Variants in TIAM1 observed in about 807,000 individuals in gnomAD.
TIAM1 encodes TIAM Rac1 associated GEF 1, also known as rho guanine nucleotide exchange factor TIAM1.
In TIAM1, 65 loss-of-function variants were observed where a neutral mutation model predicts 163.5. The ratio of observed to expected loss-of-function variants is 0.40; its 90% CI spans 0.33 to 0.49. The LOEUF (loss-of-function observed/expected upper bound fraction) is 0.49. TIAM1 is among the 20% of genes least tolerant of loss of function. The pLI, the probability that TIAM1 is intolerant of heterozygous loss-of-function variation, is 0.77. For missense variants in TIAM1, 1,789 were observed against 2,044.7 expected (o/e 0.87, Z 2.41); for synonymous variants, 833 against 810.1 (o/e 1.03, Z -0.48).
chr21:31,250,393 C>T (rs544887199), intron 5 of TIAM1, among the ~76,000 whole-genome samples: 1 of 152,304 alleles, frequency 6.6e-6, no homozygotes, highest in South Asian at 2.1e-4. Flanking sequence ...ACCCTCCCTT[C>T]CTGTGTCATC....
intron 2 of TIAM1, among the ~76,000 whole-genome samples, chr21:31,370,583 TG>T (rs1351006202): frequency 2.0e-5 from 3 of 152,048 alleles, no homozygotes; most frequent in Non-Finnish European, 2.9e-5. Flanking sequence ...AGAGTTTCTG[TG>T]GGGGTTTATA....
chr21:31,545,704 T>C (rs2048464179), intron 1 of TIAM1, among the ~76,000 whole-genome samples: 1 of 152,206 alleles, frequency 6.6e-6, no homozygotes, highest in South Asian at 2.1e-4. Flanking sequence ...TTAATAGCGC[T>C]AATCCTTCCA....
At chr21:31,538,870 G>A (rs766564205) in intron 1 of TIAM1, among the ~76,000 whole-genome samples, 3 of 152,140 alleles carry the variant, frequency 2.0e-5, no homozygotes, top group African/African-American at 7.2e-5. Flanking sequence ...GTGGTGGGAG[G>A]AGGGGCAGCC....
At chr21:31,225,576 C>T in intron 7 of TIAM1, 150 bp downstream of exon 7, 1 of 635,108 alleles carries the variant, frequency 1.6e-6, no homozygotes, top group Non-Finnish European at 2.7e-6. Context: ...AGAACACTGA[C>T]AGTCACAGTA....
intron 16 of TIAM1, among the ~76,000 whole-genome samples, chr21:31,164,116 T>C (rs1177199349): frequency 2.0e-5 from 3 of 152,138 alleles, no homozygotes; most frequent in Non-Finnish European, 2.9e-5. Flanking sequence ...ACAGGCCGGG[T>C]GCAGTGGCTC....
At chr21:31,419,995 G>A (rs1365290565) in intron 2 of TIAM1, among the ~76,000 whole-genome samples, 1 of 152,202 alleles carries the variant, frequency 6.6e-6, no homozygotes, top group African/African-American at 2.4e-5. Context: ...GCTGCAGCGA[G>A]CCAAGATCGT....
intron 23 of TIAM1, among the ~76,000 whole-genome samples, chr21:31,131,980 CT>C (rs2082426946): frequency 6.6e-6 from 1 of 152,320 alleles, no homozygotes; most frequent in East Asian, 1.9e-4. Context: ...TGTTTGGAAG[CT>C]GGCCACTTTA....
chr21:31,163,944 C>CA (rs760732715), intron 16 of TIAM1, among the ~76,000 whole-genome samples: 1 of 152,174 alleles, frequency 6.6e-6, no homozygotes, highest in Non-Finnish European at 1.5e-5. Context: ...AGTATGGAAA[C>CA]AAAATCACAC....
At chr21:31,530,391 G>A (rs2047932919) in intron 1 of TIAM1, among the ~76,000 whole-genome samples, 1 of 152,172 alleles carries the variant, frequency 6.6e-6, no homozygotes. Context: ...GAACAGTGAT[G>A]GAATTCCAAA....
intron 1 of TIAM1, among the ~76,000 whole-genome samples, chr21:31,522,012 G>C (rs1191714074): frequency 6.6e-6 from 1 of 151,752 alleles, no homozygotes; most frequent in Non-Finnish European, 1.5e-5. Context: ...GCTGGGACTA[G>C]AGGCGCCTGC....
At chr21:31,520,344 A>AG (rs1377800596) in intron 1 of TIAM1, among the ~76,000 whole-genome samples, 1 of 152,154 alleles carries the variant, frequency 6.6e-6, no homozygotes, top group Non-Finnish European at 1.5e-5. Flanking sequence ...AAAAAAAAAA[A>AG]AAGAAATGGT....
chr21:31,134,260 G>C (rs115704889), intron 23 of TIAM1, among the ~76,000 whole-genome samples: 1 of 152,222 alleles, frequency 6.6e-6, no homozygotes, highest in East Asian at 1.9e-4. Flanking sequence ...CCACATCACT[G>C]TGTGGGTCAT....
chr21:31,537,460 G>T (rs1291556172), intron 1 of TIAM1, among the ~76,000 whole-genome samples: 1 of 137,928 alleles, frequency 7.3e-6, no homozygotes, highest in Non-Finnish European at 1.6e-5. Flanking sequence ...AAAAAAAAAA[G>T]TATTAATAGG....
At chr21:31,460,822 T>C (rs1209650885) in intron 2 of TIAM1, among the ~76,000 whole-genome samples, 1 of 152,232 alleles carries the variant, frequency 6.6e-6, no homozygotes, top group Non-Finnish European at 1.5e-5. Context: ...TTAATTCTTT[T>C]CTTCCACCAT....
intron 2 of TIAM1, among the ~76,000 whole-genome samples, chr21:31,314,249 T>A (rs908924885): frequency 3.9e-5 from 6 of 152,094 alleles, no homozygotes; most frequent in African/African-American, 1.4e-4. Context: ...AAGGATATAT[T>A]TTTTTTAAGT....
intron 6 of TIAM1, among the ~76,000 whole-genome samples, chr21:31,235,964 C>A (rs904388204): frequency 1.3e-5 from 2 of 152,222 alleles, no homozygotes; most frequent in Admixed American, 1.3e-4. Context: ...GGGGCCCCTG[C>A]CAGGGCTCTG....
At chr21:31,252,423 G>C (rs1212354233) in intron 4 of TIAM1, among the ~76,000 whole-genome samples, 1 of 152,170 alleles carries the variant, frequency 6.6e-6, no homozygotes, top group African/African-American at 2.4e-5. Flanking sequence ...ACACGATTTG[G>C]AATGTTCAAG....
chr21:31,470,811 G>C (rs1229174592), intron 1 of TIAM1, among the ~76,000 whole-genome samples: 1 of 152,192 alleles, frequency 6.6e-6, no homozygotes, highest in Admixed American at 6.5e-5. Flanking sequence ...GGAGAAGAGA[G>C]AGGAACCGGC....
At chr21:31,154,865 CA>C (rs1286708437) in intron 16 of TIAM1, among the ~76,000 whole-genome samples, 1 of 152,196 alleles carries the variant, frequency 6.6e-6, no homozygotes, top group Admixed American at 6.5e-5. Flanking sequence ...ACCCAAGGTA[CA>C]AGCCTCATTA....
Sources: allele counts gnomAD v4.1 joint callset (sites outside exome capture counted in the v4.1 genomes callset), GRCh38; gene constraint gnomAD v4.1.1; transcripts MANE v1.5; gene names NCBI Gene and HGNC (gene_info 2026-07-23, HGNC 2026-07-21).